Variants in FRAS1 observed in about 807,000 individuals in gnomAD.
The protein encoded by FRAS1 is extracellular matrix organizing protein FRAS1.
A neutral mutation model predicts 435.2 loss-of-function variants in FRAS1; 290 were observed. That is an observed-to-expected ratio of 0.67 (90% CI 0.61 to 0.73). FRAS1 has a LOEUF of 0.73. Among genes scored for constraint, FRAS1 ranks in the 30% least tolerant of loss-of-function variants. FRAS1 has a pLI of 0.00. For synonymous variants in FRAS1, 1,800 were observed against 1,851.0 expected, an observed-to-expected ratio of 0.97 and a Z score of 0.71; for missense variants, 4,860 against 5,001.5, an observed-to-expected ratio of 0.97 and a Z score of 0.85.
At chr4:78,145,189 C>T (rs1163243911) in intron 2 of FRAS1, among the ~76,000 whole-genome samples, 2 of 152,086 alleles carry the variant, frequency 1.3e-5, no homozygotes, top group East Asian at 1.9e-4. Flanking sequence ...GTTCTGAAAG[C>T]GCTGAGTCAG....
chr4:78,257,135 A>G (rs10028072), intron 6 of FRAS1, among the ~76,000 whole-genome samples: 136,988 of 152,194 alleles, frequency 0.9, 63,241 homozygotes, highest in Non-Finnish European at 1. Flanking sequence ...TATGATTTCT[A>G]TTCTATAGCT....
chr4:78,103,451 G>T (rs1459973670), intron 2 of FRAS1, among the ~76,000 whole-genome samples: 1 of 152,148 alleles, frequency 6.6e-6, no homozygotes, highest in South Asian at 2.1e-4. Context: ...TGTGGTGGAG[G>T]TAGGGATCTG....
chr4:78,375,377 C>T (rs766418250), intron 25 of FRAS1, among the ~76,000 whole-genome samples: 1 of 152,220 alleles, frequency 6.6e-6, no homozygotes, highest in Admixed American at 6.5e-5. Flanking sequence ...TTTATGACAC[C>T]GATTGTTAAA....
chr4:78,538,494 G>T (rs1054637614), intron 72 of FRAS1, among the ~76,000 whole-genome samples: 3 of 152,314 alleles, frequency 2.0e-5, no homozygotes, highest in East Asian at 3.9e-4. Flanking sequence ...TGTTGCTAAT[G>T]ACATGCCTGT....
At chr4:78,116,927 G>T (rs1208422088) in intron 2 of FRAS1, among the ~76,000 whole-genome samples, 1 of 152,192 alleles carries the variant, frequency 6.6e-6, no homozygotes, top group African/African-American at 2.4e-5. Context: ...TCCTAGCCTT[G>T]ATGATCTTTA....
intron 2 of FRAS1, among the ~76,000 whole-genome samples, chr4:78,095,065 T>C (rs1741725348): frequency 6.6e-6 from 1 of 152,224 alleles, no homozygotes; most frequent in Non-Finnish European, 1.5e-5. Flanking sequence ...GGAAACATTT[T>C]TAAAAATCAC....
chr4:78,444,785 A>C (rs1247849237), intron 41 of FRAS1, among the ~76,000 whole-genome samples: 1 of 152,092 alleles, frequency 6.6e-6, no homozygotes. Context: ...TTTTCTGTGG[A>C]GCTCTGAATG....
At chr4:78,452,034 A>G in intron 46 of FRAS1, 141 bp from the exon 47 acceptor site, 1 of 1,234,808 alleles carries the variant, frequency 8.1e-7, no homozygotes, top group Non-Finnish European at 1.1e-6. Flanking sequence ...CCTTTATTGC[A>G]CGAAGCCCTG....
intron 28 of FRAS1, among the ~76,000 whole-genome samples, chr4:78,386,739 A>G (rs1732231417): frequency 6.6e-6 from 1 of 152,076 alleles, no homozygotes; most frequent in African/African-American, 2.4e-5. Context: ...TTGCTTACTC[A>G]ACTTGGTGGG....
At chr4:78,180,934 T>C (rs1721971535) in intron 2 of FRAS1, 1 of 1,609,720 alleles carries the variant, frequency 6.2e-7, no homozygotes, top group Admixed American at 1.7e-5. Context: ...TTGTCGGTCC[T>C]GCTGCCACGG....
rs189423511 is a variant in FRAS1 at position 78,195,197 on chromosome 4, G to C, written c.109-42313G>C. The stretch of plus-strand genomic sequence containing the variant: ...GTCTGCCCCTACTAGGGGGTGCCTC[G>C]CAGTTAGGCTACTCGGGGGTCAGGG... On this transcript the variant is annotated intron_variant, in intron 2 of 73. Coordinates refer to ENST00000512123, the MANE Select transcript of FRAS1 (RefSeq NM_025074.7). Among the ~76,000 whole-genome samples the C allele has an allele frequency of 3.3e-5, 5 of 152,308 alleles. No homozygotes were observed. In the South Asian group the frequency reaches 8.3e-4, roughly 25 times the overall value.
chr4:78,239,902 C>T (rs992798741), intron 3 of FRAS1, among the ~76,000 whole-genome samples: 2 of 152,158 alleles, frequency 1.3e-5, no homozygotes, highest in African/African-American at 4.8e-5. Context: ...TGCCCCCTAC[C>T]ACACATTTTG....
intron 2 of FRAS1, among the ~76,000 whole-genome samples, chr4:78,216,857 A>G (rs1578190040): frequency 6.6e-6 from 1 of 152,300 alleles, no homozygotes; most frequent in East Asian, 1.9e-4. Context: ...TGTCAGAGAA[A>G]AGAAACCTTT....
intron 65 of FRAS1, among the ~76,000 whole-genome samples, chr4:78,514,116 T>TGAAAAAGCCATCTCGGCCATGGCA (rs1410352322): frequency 2.0e-5 from 3 of 152,214 alleles, no homozygotes; most frequent in African/African-American, 7.2e-5. Flanking sequence ...CAATGCAGGC[T>TGAAAAAGCCATCTCGGCCATGGCA]GAAAAAGCCA....
chr4:78,355,880 CAG>C (rs1195410296), intron 20 of FRAS1, among the ~76,000 whole-genome samples: 1 of 152,170 alleles, frequency 6.6e-6, no homozygotes, highest in African/African-American at 2.4e-5. Flanking sequence ...CAGTTTCTGA[CAG>C]ATGTGCTTCT....
intron 45 of FRAS1, 130 bp downstream of exon 45, chr4:78,450,469 T>A: frequency 1.4e-6 from 1 of 722,156 alleles, no homozygotes; most frequent in Non-Finnish European, 2.3e-6. Flanking sequence ...TCATTTGTTC[T>A]CTTCCTTGTT....
chr4:78,399,835 C>T (rs1361692551), intron 29 of FRAS1, among the ~76,000 whole-genome samples: 3 of 152,196 alleles, frequency 2.0e-5, no homozygotes, highest in African/African-American at 7.2e-5. Flanking sequence ...TATCTCAGTG[C>T]TAGTCATTTC....
chr4:78,412,015 C>G (rs866872188), intron 31 of FRAS1, among the ~76,000 whole-genome samples: 3 of 152,270 alleles, frequency 2.0e-5, no homozygotes, highest in Middle Eastern at 3.4e-3. Flanking sequence ...GTAGCTAATG[C>G]AGTGCTGAGC....
chr4:78,490,982 C>T (rs1720334150), intron 59 of FRAS1, among the ~76,000 whole-genome samples: 1 of 152,114 alleles, frequency 6.6e-6, no homozygotes, highest in Admixed American at 6.5e-5. Context: ...GATATCACCA[C>T]TGATCCCACA....
Sources: allele counts gnomAD v4.1 joint callset (sites outside exome capture counted in the v4.1 genomes callset), GRCh38; gene constraint gnomAD v4.1.1; transcripts MANE v1.5; gene names NCBI Gene and HGNC (gene_info 2026-07-23, HGNC 2026-07-21).